Variants in SARM1 observed in about 807,000 individuals in gnomAD.
The protein encoded by SARM1 is sterile alpha and TIR motif containing 1.
In SARM1, 60 loss-of-function variants were observed where a neutral mutation model predicts 65.1. The observed-to-expected ratio is 0.92, with a 90% CI of 0.75 to 1.14. The LOEUF (loss-of-function observed/expected upper bound fraction) is 1.14, where lower values mean the gene tolerates loss of function less well. SARM1 is among the 50% of genes most tolerant of loss of function. The pLI is 0.00. For synonymous variants in SARM1, 417 were observed against 465.4 expected (o/e 0.90, Z 1.34); for missense variants, 913 against 1,015.7 (o/e 0.90, Z 1.37).
At position 28,384,804 on chromosome 17, in the gene SARM1, G is replaced by T. The variant is rs1349151208; in HGVS notation, c.1303-35G>T. On this transcript the variant is annotated intron_variant, in intron 3 of 8. Transcript: ENST00000585482. This position sits in a 1 kb window ranked among gnomAD's most constrained non-coding sequence, Gnocchi z 4.4. ...GTGCTCGAGGTCCAAGGGCGGAGTA[G>T]CGAAGCCCTTCCTGACACCCGACTC... 7 of 1,537,344 alleles carry T rather than the reference G, an allele frequency of 4.6e-6. No individual in the cohort carries two copies. The Admixed American group carries it at 1.4e-4, about 30-fold the overall frequency.
chr17:28,379,495 A>G (rs556475174), intron 1 of SARM1, among the ~76,000 whole-genome samples: 1 of 151,872 alleles, frequency 6.6e-6, no homozygotes, highest in Non-Finnish European at 1.5e-5. Context: ...TATTTTTAGT[A>G]GGGACAGGGT....
At chr17:28,387,382 C>T (rs2068057035) in intron 5 of SARM1, among the ~76,000 whole-genome samples, 1 of 152,040 alleles carries the variant, frequency 6.6e-6, no homozygotes, top group Non-Finnish European at 1.5e-5. Flanking sequence ...CAGACATGTG[C>T]CACCATGCCT....
chr17:28,396,158 T>C lies in SARM1; in HGVS notation c.2047T>C (p.Trp683Arg). The C allele has an allele frequency of 6.2e-7, 1 of 1,613,842 alleles. No homozygotes were observed. Among genetic ancestry groups the C allele is most frequent in the Non-Finnish European group, 8.5e-7 (1 of 1,179,842 alleles). The change falls in exon 9 of 9, where the codon TGG becomes CGG. Residue 683 changes from tryptophan to arginine, a missense_variant and splice_region_variant. Physicochemically the swap from Trp to Arg is moderately radical, Grantham distance 101. Around this residue, in one of 3 missense-constraint regions of SARM1, gnomAD observed 862 missense variants for 952.1 expected, o/e 0.91. Transcript: ENST00000585482. Reference protein sequence around the residue: ...QAVLTFNGIKWSHEYQEATIE... With the variant: ...QAVLTFNGIKRSHEYQEATIE... Reference sequence around the variant, plus strand: ...CCACATTGGCTCCTGTGCCCACAGGTGGTCCCACGAATACCAGGAGGCCAC... The same window carrying C: ...CCACATTGGCTCCTGTGCCCACAGGCGGTCCCACGAATACCAGGAGGCCAC...
chr17:28,395,104 A>C (rs992816847), intron 7 of SARM1: 1 of 152,176 alleles, frequency 6.6e-6, no homozygotes, highest in Admixed American at 6.5e-5. Flanking sequence ...GCTCAGAATA[A>C]CTTAAAGTTC....
chr17:28,389,687 A>T (rs1555586622), intron 7 of SARM1, among the ~76,000 whole-genome samples: 2 of 152,146 alleles, frequency 1.3e-5, no homozygotes, highest in African/African-American at 4.8e-5. Context: ...GGAGTTCGAG[A>T]CCAGCCTGGG....
At chr17:28,377,494 C>G (rs569353047) in intron 1 of SARM1, among the ~76,000 whole-genome samples, 6 of 152,344 alleles carry the variant, frequency 3.9e-5, no homozygotes, top group African/African-American at 7.2e-5. Context: ...GTCCCAGCTA[C>G]TCAGGTGGCT....
Position 28,372,333 on chromosome 17 carries a change from G to T in SARM1, c.301G>T (p.Glu101Ter). The T allele has an allele frequency of 6.7e-7, 1 of 1,483,252 alleles. No homozygotes were observed. The highest frequency in any genetic ancestry group is 8.9e-7 in the Non-Finnish European group (1 of 1,123,530). The allele number at this position is 1,483,252 out of a possible 1,614,324, so 91.9% of individuals were successfully genotyped here. A position where few individuals can be genotyped will look rare whatever the true frequency, so the allele number is the denominator to read the frequency against. Residue 101 changes from glutamate (E) to a stop codon, truncating the protein, a stop_gained, in exon 1 of 9, where the codon GAG becomes TAG. Transcript: ENST00000585482. LOFTEE classifies it high-confidence loss of function. This position sits in a 1 kb window ranked among gnomAD's most constrained non-coding sequence, Gnocchi z 5.2. ...GGCCGAGGTCTTCCAACTGGTGGAG[G>T]AGGCCTGGCTGCTGCCGGCCGTGGG... is the stretch of plus-strand genomic sequence containing the variant. ...GLAEVFQLVE[E>*]AWLLPAVGRE...
At chr17:28,394,853 C>T (rs1597824846) in intron 7 of SARM1, 1 of 152,164 alleles carries the variant, frequency 6.6e-6, no homozygotes. Context: ...AGGATTACAA[C>T]ATTTTCCATA....
chr17:28,382,941 T>C (rs1597818878), intron 2 of SARM1, among the ~76,000 whole-genome samples: 1 of 152,140 alleles, frequency 6.6e-6, no homozygotes, highest in Non-Finnish European at 1.5e-5. Context: ...GGCTTGGAGG[T>C]TGGTGATAGC....
At chr17:28,377,765 T>G (rs2068001148) in intron 1 of SARM1, among the ~76,000 whole-genome samples, 1 of 152,100 alleles carries the variant, frequency 6.6e-6, no homozygotes, top group Non-Finnish European at 1.5e-5. Context: ...TGGTATAACC[T>G]CGGCTCACTG....
rs1555590004 is a variant in SARM1, at chr17:28,403,135, G to C, written c.*6849G>C. On this transcript the variant is annotated 3_prime_UTR_variant, in exon 9 of 9. Coordinates refer to ENST00000585482, the MANE Select transcript of SARM1 (RefSeq NM_015077.4). ...TCCTGGAGGCTTGCAAGGGAGCACT[G>C]CCTGCTGACTGCTTCCATTCAGCCC... 1 of 152,206 alleles carries C rather than the reference G, an allele frequency of 6.6e-6. No homozygotes were observed. The highest frequency in any genetic ancestry group is 1.5e-5 in the Non-Finnish European group (1 of 68,058). 9.4% of individuals were successfully genotyped at this position (152,206 alleles called of 1,614,324 possible).
rs2068040679 is a variant in SARM1 at position 28,384,615 on chromosome 17, C to T, written c.1302+46C>T. On this transcript the variant is annotated intron_variant, in intron 3 of 8. Coordinates refer to ENST00000585482, the MANE Select transcript of SARM1 (RefSeq NM_015077.4). The surrounding 1 kb of genome is among the most constrained non-coding windows in gnomAD (Gnocchi z 4.4). ...CCTCCCCCGAGTCAGAGCGGGCGCC[C>T]TGTGCACAGGGACTGCGTTCCCTCC... 2 of 1,511,378 alleles carry T rather than the reference C, an allele frequency of 1.3e-6. No individual in the cohort carries two copies. Among genetic ancestry groups the T allele is most frequent in the South Asian group, 2.5e-5 (2 of 80,412 alleles). The allele number at this position is 1,511,378 out of a possible 1,614,324, so 93.6% of individuals were successfully genotyped here.
intron 6 of SARM1, 26 bp downstream of exon 6, chr17:28,388,302 CG>C (rs1567809078): frequency 1.3e-6 from 2 of 1,588,096 alleles, no homozygotes; most frequent in African/African-American, 1.3e-5. Context: ...CGGGCAGCGA[CG>C]GGGCGTGGGG....
Position 28,398,980 on chromosome 17 carries a change from G to C in SARM1, c.*2694G>C, listed in dbSNP as rs1255261366. 6.6e-6 allele frequency: 1 copy of C among 152,462 alleles called. No homozygotes were observed. The highest frequency in any genetic ancestry group is 1.5e-5 in the Non-Finnish European group (1 of 68,220). The allele number at this position is 152,462 out of a possible 1,614,324, so 9.4% of individuals were successfully genotyped here. ...TCTGTTGTCTAACGTATGGCAGGCA[G>C]ACTGGGAGCAGGAAAACAGAGGGCC... On this transcript the variant is annotated 3_prime_UTR_variant, in exon 9 of 9. Coordinates refer to ENST00000585482, the MANE Select transcript of SARM1 (RefSeq NM_015077.4).
At chr17:28,373,902 G>T (rs113957224) in intron 1 of SARM1, 2 of 152,258 alleles carry the variant, frequency 1.3e-5, no homozygotes, top group South Asian at 2.1e-4. Context: ...CTCAAGAAAC[G>T]CACGCTGGTC....
Position 28,381,512 on chromosome 17 carries a change from C to T in SARM1, c.780C>T (p.Ser260=), listed in dbSNP as rs2068023919. Residue 260 remains serine (S), a synonymous_variant, in exon 2 of 9, where the codon TCC becomes TCT. Transcript: ENST00000585482. ...AAEWLFPLAF[S]KEDELLRLHA... ...AGTGGCTCTTCCCGCTCGCCTTCTC[C>T]AAGGAGGACGAGCTGCTTCGGCTGC... 7 of 1,566,256 alleles carry T rather than the reference C, an allele frequency of 4.5e-6. No homozygotes were observed.
Position 28,402,259 on chromosome 17 carries a change from G to T in SARM1, c.*5973G>T, listed in dbSNP as rs782067170. ...TCACCCTGCTCTGTCTCTCTCACCAGCTTGGAGAGTTTAGCCCGGATGACA... is the reference window on the plus strand; with the variant it reads ...TCACCCTGCTCTGTCTCTCTCACCATCTTGGAGAGTTTAGCCCGGATGACA... On this transcript the variant is annotated 3_prime_UTR_variant, in exon 9 of 9. Coordinates refer to ENST00000585482, the MANE Select transcript of SARM1 (RefSeq NM_015077.4). The T allele has an allele frequency of 3.1e-6, 5 of 1,613,544 alleles. No homozygotes were observed. In the Admixed American group the frequency reaches 8.3e-5, roughly 27 times the overall value.
chr17:28,381,119 G>A (rs1286677508), intron 1 of SARM1, 84 bp from the exon 2 acceptor site: 4 of 1,463,556 alleles, frequency 2.7e-6, no homozygotes, highest in Non-Finnish European at 3.6e-6. Context: ...GCCCAGAGAG[G>A]GTTAGTGACC....
At position 28,402,610 on chromosome 17, in the gene SARM1, G is replaced by A. The variant is rs1319483007; in HGVS notation, c.*6324G>A. On this transcript the variant is annotated 3_prime_UTR_variant, in exon 9 of 9. Coordinates refer to ENST00000585482, the MANE Select transcript of SARM1 (RefSeq NM_015077.4). ...GCATCACCCACCCACTTGGCACTTAGTAGGGATATGGCAGGGCACAGAAAA... is the reference window on the plus strand; with the variant it reads ...GCATCACCCACCCACTTGGCACTTAATAGGGATATGGCAGGGCACAGAAAA... 3 of 299,558 alleles carry A rather than the reference G, an allele frequency of 1.0e-5. No homozygotes were observed. The highest frequency in any genetic ancestry group is 2.0e-5 in the Non-Finnish European group (3 of 153,310). The allele number at this position is 299,558 out of a possible 1,614,324, so 18.6% of individuals were successfully genotyped here.
Sources: allele counts gnomAD v4.1 joint callset (sites outside exome capture counted in the v4.1 genomes callset), GRCh38; gene constraint gnomAD v4.1.1; regional missense constraint gnomAD v4.1.1; non-coding constraint Gnocchi (gnomAD v3.1); transcripts MANE v1.5; gene names NCBI Gene and HGNC (gene_info 2026-07-23, HGNC 2026-07-21).